Variants in NUCB1 observed in about 807,000 individuals in gnomAD.
NUCB1 encodes the protein nucleobindin-1.
NUCB1 carries 47 observed loss-of-function variants against 61.2 expected under a neutral mutation model. The ratio of observed to expected loss-of-function variants is 0.77; its 90% CI spans 0.61 to 0.98. NUCB1 has a LOEUF of 0.98. NUCB1 is among the 50% of genes least tolerant of loss of function. The probability of loss-of-function intolerance (pLI) is 0.00; values close to 1 mark genes in which losing one functional copy is unlikely to be tolerated. For synonymous variants in NUCB1, 234 were observed against 243.1 expected (o/e 0.96, Z 0.35); for missense variants, 583 against 605.3 (o/e 0.96, Z 0.39).
At position 48,918,527 on chromosome 19, in the gene NUCB1, C is replaced by A. The variant is rs906208946; in HGVS notation, c.758-199C>A. ...CCCTTTGATCTATTCCATTCTCAACCCCCTGGTCGCTAGGCAGTGGCCCTA... is the reference window on the plus strand; with the variant it reads ...CCCTTTGATCTATTCCATTCTCAACACCCTGGTCGCTAGGCAGTGGCCCTA... On this transcript the variant is annotated intron_variant, in intron 7 of 12. Transcript: ENST00000405315. 15 of 606,354 alleles carry A rather than the reference C, an allele frequency of 2.5e-5. No individual in the cohort carries two copies. The East Asian group carries it at 4.2e-4, about 17-fold the overall frequency. The allele number at this position is 606,354 out of a possible 1,614,324, so 37.6% of individuals were successfully genotyped here. A position where few individuals can be genotyped will look rare whatever the true frequency, so the allele number is the denominator to read the frequency against.
Position 48,916,148 on chromosome 19 carries a change from AAGT to A in NUCB1, c.758-2575_758-2573del, listed in dbSNP as rs1279629026. 2.0e-5 allele frequency among the ~76,000 whole-genome samples: 3 copies of A among 149,392 alleles called. No homozygotes were observed. The East Asian group carries it at 5.8e-4, about 29-fold the overall frequency. On this transcript the variant is annotated intron_variant, in intron 7 of 12. Coordinates refer to ENST00000405315, the MANE Select transcript of NUCB1 (RefSeq NM_006184.6). ...TTTGACTATTTTAGGTACTTCATGC[AAGT>A]AGAATCTTTTGGTATTTGTCGTGTG...
rs150734300 is a variant in NUCB1, at chr19:48,912,546, C to T, written c.481-465C>T. The stretch of plus-strand genomic sequence containing the variant: ...GAGCAGTCATGGAAACCAAAAAGGG[C>T]GACATCAGGCTGTGCGCGATGGCTC... On this transcript the variant is annotated intron_variant, in intron 5 of 12. Transcript: ENST00000405315. 7.3e-3 allele frequency among the ~76,000 whole-genome samples: 1,105 copies of T among 151,988 alleles called. 14 individuals carry two copies. Among genetic ancestry groups the T allele is most frequent in the Middle Eastern group, 0.01 (3 of 294 alleles).
chr19:48,905,919 GA>G, intron 4 of NUCB1, 34 bp downstream of exon 4: 1 of 1,236,168 alleles, frequency 8.1e-7, no homozygotes, highest in Non-Finnish European at 1.1e-6. Flanking sequence ...GACAGGCAGG[GA>G]GGGGTGGGGA....
At chr19:48,918,833 C>T (rs2037571194) in intron 8 of NUCB1, 49 bp downstream of exon 8, 1 of 1,530,486 alleles carries the variant, frequency 6.5e-7, no homozygotes, top group Non-Finnish European at 9.0e-7. Context: ...CCAAATCAGC[C>T]ACTTGTTTCC....
Position 48,923,209 on chromosome 19 carries a change from C to T in NUCB1, c.*785C>T, listed in dbSNP as rs146255034. ...TTTCTGGCCTCATCTGACACTGCTC[C>T]GCATCCTGCTGTGTGTCCTGTTCCA... On this transcript the variant is annotated 3_prime_UTR_variant, in exon 13 of 13. Transcript: ENST00000405315. 184 of 152,752 alleles carry T rather than the reference C, an allele frequency of 1.2e-3. No individual in the cohort carries two copies. The highest frequency in any genetic ancestry group is 3.9e-3 in the African/African-American group (162 of 41,586). The allele number at this position is 152,752 out of a possible 1,614,324, so 9.5% of individuals were successfully genotyped here. A position where few individuals can be genotyped will look rare whatever the true frequency, so the allele number is the denominator to read the frequency against.
chr19:48,912,848 A>G (rs1423892607), intron 5 of NUCB1, among the ~76,000 whole-genome samples, 163 bp from the exon 6 acceptor site: 7 of 151,126 alleles, frequency 4.6e-5, no homozygotes, highest in Non-Finnish European at 1.0e-4. Flanking sequence ...CCTCTCAAAA[A>G]AAAAAAAAAA....
intron 5 of NUCB1, among the ~76,000 whole-genome samples, chr19:48,912,112 C>T (rs1288493376): frequency 6.6e-6 from 1 of 151,214 alleles, no homozygotes; most frequent in African/African-American, 2.4e-5. Context: ...GCAGCCTCAA[C>T]CTCCTGGGCT....
Position 48,905,842 on chromosome 19 carries a change from G to A in NUCB1, c.333G>A (p.Leu111=), listed in dbSNP as rs1474539003. ...TCAAGCGACAGGAGGTGTCACGGCT[G>A]CGGATGCTGCTCAAGGCCAAGATGG... ...DELKRQEVSR[L]RMLLKAKMDA... Residue 111 remains leucine, a synonymous_variant, in exon 4 of 13, where the codon CTG becomes CTA. Transcript: ENST00000405315. 1.2e-6 allele frequency: 2 copies of A among 1,613,760 alleles called. No individual in the cohort carries two copies. Among genetic ancestry groups the A allele is most frequent in the Non-Finnish European group, 1.7e-6 (2 of 1,179,976 alleles).
rs1457833767 is a variant in NUCB1 at position 48,919,055 on chromosome 19, A to G, written c.842A>G (p.Asn281Ser). The change falls in exon 9 of 13, where the codon AAT becomes AGT. Residue 281 changes from asparagine (N) to serine (S), a missense_variant. Coordinates refer to ENST00000405315, the MANE Select transcript of NUCB1 (RefSeq NM_006184.6). Reference protein sequence around the residue: ...KELEKVYDPKNEEDDMREMEE... With the variant: ...KELEKVYDPKSEEDDMREMEE... Reference sequence around the variant, plus strand: ...CTGGAGAAAGTGTACGACCCAAAGAATGAGGAGGACGACATGCGGGAGATG... The same window carrying G: ...CTGGAGAAAGTGTACGACCCAAAGAGTGAGGAGGACGACATGCGGGAGATG... 6.2e-7 allele frequency: 1 copy of G among 1,614,070 alleles called. No homozygotes were observed. Among genetic ancestry groups the G allele is most frequent in the Non-Finnish European group, 8.5e-7 (1 of 1,180,010 alleles).
At chr19:48,906,448 C>T (rs978616917) in intron 4 of NUCB1, among the ~76,000 whole-genome samples, 4 of 151,450 alleles carry the variant, frequency 2.6e-5, no homozygotes, top group South Asian at 2.1e-4. Context: ...TGGTAGAGGC[C>T]GGGTGCAGTG....
chr19:48,911,233 T>C lies in NUCB1; in HGVS notation c.461T>C (p.Leu154Pro), dbSNP rs1156784866. The change falls in exon 5 of 13, where the codon CTG (leucine) becomes CCG (proline). Residue 154 changes from leucine (L) to proline (P), a missense_variant. By Grantham distance (98) the Leu-to-Pro change is moderately conservative (BLOSUM62 -3). Transcript: ENST00000405315. ...CAGCATACATTCGAGGCCCGCGACC[T>C]GGAGCTGCTGATCCAGACGGTAATG... Reference protein sequence around the residue: ...QNQHTFEARDLELLIQTATRD... With the variant: ...QNQHTFEARDPELLIQTATRD... The C allele has an allele frequency of 1.2e-6, 2 of 1,613,296 alleles. No individual in the cohort carries two copies. Among genetic ancestry groups the C allele is most frequent in the South Asian group, 2.2e-5 (2 of 91,058 alleles).
At chr19:48,905,536 T>C (rs922232558) in intron 3 of NUCB1, among the ~76,000 whole-genome samples, 1 of 152,124 alleles carries the variant, frequency 6.6e-6, no homozygotes, top group Admixed American at 6.6e-5. Context: ...AACATGTGGC[T>C]TGATGAATGA....
At chr19:48,905,290 A>T (rs2037399212) in intron 3 of NUCB1, among the ~76,000 whole-genome samples, 1 of 152,178 alleles carries the variant, frequency 6.6e-6, no homozygotes, top group South Asian at 2.1e-4. Context: ...ATGAACTCCC[A>T]TATCAGGCCT....
chr19:48,922,408 T>A lies in NUCB1; in HGVS notation c.1370T>A (p.Val457Glu). 6.2e-7 allele frequency: 1 copy of A among 1,613,490 alleles called. No homozygotes were observed. Among genetic ancestry groups the A allele is most frequent in the Non-Finnish European group, 8.5e-7 (1 of 1,179,540 alleles). ...KLLERLPEVE[V>E]PQHL is the part of the protein sequence containing the mutation. ...CTCGAGCGGCTCCCTGAGGTTGAGG[T>A]GCCCCAGCATCTGTGATCCTCCGGG... The change falls in exon 13 of 13, where the codon GTG (valine) becomes GAG (glutamate). Residue 457 changes from valine (V) to glutamate (E), a missense_variant. By Grantham distance (121) the Val-to-Glu change is moderately radical (BLOSUM62 -2). Coordinates refer to ENST00000405315, the MANE Select transcript of NUCB1 (RefSeq NM_006184.6).
rs527763632 is a variant in NUCB1, at chr19:48,916,848, G to A, written c.758-1878G>A. On this transcript the variant is annotated intron_variant, in intron 7 of 12. Coordinates refer to ENST00000405315, the MANE Select transcript of NUCB1 (RefSeq NM_006184.6). ...GGAGAATCACTTAAACCCTGGAGGT[G>A]GAGGTTGCAGTGAGCTGAGATCATG... Among the ~76,000 whole-genome samples the A allele has an allele frequency of 7.2e-5, 11 of 152,162 alleles. No individual in the cohort carries two copies. The South Asian group carries it at 2.3e-3, about 32-fold the overall frequency.
At chr19:48,922,273 G>A (rs373286906) in intron 12 of NUCB1, 45 bp from the exon 13 acceptor site, 41 of 1,524,342 alleles carry the variant, frequency 2.7e-5, no homozygotes, top group African/African-American at 1.1e-4. Context: ...TGGGGGAGGA[G>A]GGGTTCGGAT....
rs745569515 is a variant in NUCB1 at position 48,912,992 on chromosome 19, A to G, written c.481-19A>G. 4 of 1,582,612 alleles carry G rather than the reference A, an allele frequency of 2.5e-6. No homozygotes were observed. Among genetic ancestry groups the G allele is most frequent in the Non-Finnish European group, 3.4e-6 (4 of 1,160,640 alleles). On this transcript the variant is annotated intron_variant, in intron 5 of 12. Coordinates refer to ENST00000405315, the MANE Select transcript of NUCB1 (RefSeq NM_006184.6). ...TGGGCAGAGGGGGCAGAGGGGAATG[A>G]CCCTGTGCCTTTCCCCAGGCCACCC...
Position 48,921,442 on chromosome 19 carries a change from C to G in NUCB1, c.1173+118C>G, listed in dbSNP as rs2037609061. On this transcript the variant is annotated intron_variant, in intron 11 of 12. Coordinates refer to ENST00000405315, the MANE Select transcript of NUCB1 (RefSeq NM_006184.6). ...CCACCATGTTAATCACTGGGGGAGCCTCAAGTATTCACCGCCATCTTGAGT... is the reference window on the plus strand; with the variant it reads ...CCACCATGTTAATCACTGGGGGAGCGTCAAGTATTCACCGCCATCTTGAGT... The G allele has an allele frequency of 2.6e-6, 3 of 1,160,328 alleles. No homozygotes were observed. The East Asian group carries it at 7.7e-5, about 30-fold the overall frequency. The allele number at this position is 1,160,328 out of a possible 1,614,324, so 71.9% of individuals were successfully genotyped here. A position where few individuals can be genotyped will look rare whatever the true frequency, so the allele number is the denominator to read the frequency against.
chr19:48,919,560 C>T (rs2037584321), intron 10 of NUCB1, among the ~76,000 whole-genome samples: 2 of 151,676 alleles, frequency 1.3e-5, no homozygotes, highest in African/African-American at 2.4e-5. Flanking sequence ...TCACTGCAGC[C>T]TCCACCTCCC....
Sources: gnomAD v4.1 joint callset for allele counts (sites outside exome capture counted in the v4.1 genomes callset) on GRCh38, gnomAD v4.1.1 for gene constraint, MANE v1.5 for transcripts, NCBI Gene and HGNC (gene_info 2026-07-23, HGNC 2026-07-21) for gene names.